Variants in OSBPL5 observed in about 807,000 individuals in gnomAD.
The protein encoded by OSBPL5 is oxysterol-binding protein-related protein 5.
OSBPL5 carries 71 observed loss-of-function variants against 111.2 expected under a neutral mutation model. That is an observed-to-expected ratio of 0.64 (90% CI 0.53 to 0.78). The LOEUF is 0.78. Ranked by LOEUF, OSBPL5 falls within the 30% of genes least tolerant of loss-of-function variation. OSBPL5 has a pLI of 0.00. For synonymous variants in OSBPL5, 549 were observed against 513.9 expected, an observed-to-expected ratio of 1.07 and a Z score of -0.93; for missense variants, 1,210 against 1,189.3, an observed-to-expected ratio of 1.02 and a Z score of -0.26.
At position 3,106,662 on chromosome 11, in the gene OSBPL5, G is replaced by A. The variant is rs116634350; in HGVS notation, c.1059+601C>T. Among the ~76,000 whole-genome samples, 2,398 of 152,220 alleles carry A rather than the reference G, an allele frequency of 0.016. 49 individuals carry two copies. The highest frequency in any genetic ancestry group is 0.05 in the African/African-American group (2,065 of 41,528). ...CGCTGGTGGTCCTTCTTCTTGGAAC[G>A]CCATCCTCCCTCCCGTCACTCACGT... On this transcript the variant is annotated intron_variant, in intron 9 of 21. Coordinates refer to ENST00000263650, the MANE Select transcript of OSBPL5 (RefSeq NM_020896.4). This position sits in a 1 kb window ranked among gnomAD's most constrained non-coding sequence, Gnocchi z 8.4.
Position 3,090,453 on chromosome 11 carries a change from G to A in OSBPL5, c.2398+105C>T. Reference sequence around the variant, plus strand: ...GCAGAGGAGCTTTTGCTGGGAGGTTGCCCTACATCTGGGCAGGTGCTTCTC... The same window carrying A: ...GCAGAGGAGCTTTTGCTGGGAGGTTACCCTACATCTGGGCAGGTGCTTCTC... On this transcript the variant is annotated intron_variant, in intron 20 of 21. Coordinates refer to ENST00000263650, the MANE Select transcript of OSBPL5 (RefSeq NM_020896.4). 4.1e-6 allele frequency: 6 copies of A among 1,448,294 alleles called. No homozygotes were observed. In the South Asian group the frequency reaches 6.6e-5, roughly 16 times the overall value. 89.7% of individuals were successfully genotyped at this position (1,448,294 alleles called of 1,614,324 possible).
chr11:3,120,775 A>C, intron 5 of OSBPL5, 151 bp from the exon 6 acceptor site: 2 of 800,596 alleles, frequency 2.5e-6, no homozygotes, highest in Non-Finnish European at 2.0e-6. Context: ...TTCGGAACTC[A>C]CCCCTTCCTC....
At chr11:3,152,706 C>G (rs1251994887) in intron 1 of OSBPL5, among the ~76,000 whole-genome samples, 3 of 152,230 alleles carry the variant, frequency 2.0e-5, no homozygotes, top group Non-Finnish European at 4.4e-5. Context: ...TGCAAAACCT[C>G]CAGGAAGAGC....
At chr11:3,124,029 G>A (rs991653872) in intron 3 of OSBPL5, among the ~76,000 whole-genome samples, 1 of 152,236 alleles carries the variant, frequency 6.6e-6, no homozygotes, top group Non-Finnish European at 1.5e-5. Context: ...AGCACGCAGA[G>A]GCGGGAGGAG....
At chr11:3,134,540 G>A (rs1425247706) in intron 1 of OSBPL5, among the ~76,000 whole-genome samples, 2 of 152,212 alleles carry the variant, frequency 1.3e-5, no homozygotes, top group Non-Finnish European at 2.9e-5. Context: ...CTGGTCCCTA[G>A]CCCATCCCAG....
intron 7 of OSBPL5, among the ~76,000 whole-genome samples, chr11:3,119,149 A>C (rs554280236): frequency 2.4e-4 from 36 of 151,956 alleles, no homozygotes; most frequent in Admixed American, 5.9e-4. Context: ...AGCTGGGATT[A>C]CAGGCGCCTG....
In OSBPL5 at chr11:3,092,322, G is replaced by T; in HGVS notation, c.2259+110C>A. 1.0e-5 allele frequency: 14 copies of T among 1,379,012 alleles called. No homozygotes were observed. The highest frequency in any genetic ancestry group is 1.3e-5 in the Non-Finnish European group (14 of 1,044,004). The allele number at this position is 1,379,012 out of a possible 1,614,324, so 85.4% of individuals were successfully genotyped here. On this transcript the variant is annotated intron_variant, in intron 19 of 21. Coordinates refer to ENST00000263650, the MANE Select transcript of OSBPL5 (RefSeq NM_020896.4). The surrounding 1 kb of genome is among the most constrained non-coding windows in gnomAD (Gnocchi z 5.4). Reference sequence around the variant, plus strand: ...GACGAGGGGGCTGGGGGATGAGGGCGTGAGGGAAACGGAGCGAGGGGAAGG... The same window carrying T: ...GACGAGGGGGCTGGGGGATGAGGGCTTGAGGGAAACGGAGCGAGGGGAAGG...
Position 3,107,288 on chromosome 11 carries a change from T to C in OSBPL5, c.1034A>G (p.Glu345Gly). 1 of 1,613,296 alleles carries C rather than the reference T, an allele frequency of 6.2e-7. No homozygotes were observed. The highest frequency in any genetic ancestry group is 8.5e-7 in the Non-Finnish European group (1 of 1,179,906). Residue 345 changes from glutamate (E) to glycine (G), a missense_variant, in exon 9 of 22, where the codon GAG becomes GGG. Physicochemically the swap from Glu to Gly is moderately conservative, Grantham distance 98. Transcript: ENST00000263650. The surrounding 1 kb of genome is among the most constrained non-coding windows in gnomAD (Gnocchi z 6.1). ...APVRRGTTYVEQVQEELGELG... is the reference protein window; with the variant it reads ...APVRRGTTYVGQVQEELGELG... ...CTCCCCCAGCTCCTCCTGGACCTGC[T>C]CCACATAGGTGGTCCCTCTCCGCAC...
At chr11:3,156,269 C>T (rs1373372070) in intron 1 of OSBPL5, among the ~76,000 whole-genome samples, 3 of 152,128 alleles carry the variant, frequency 2.0e-5, no homozygotes, top group Non-Finnish European at 4.4e-5. Context: ...AATGTCCTTC[C>T]GAAGGATGGA....
chr11:3,092,907 G>C lies in OSBPL5; in HGVS notation c.2092C>G (p.Leu698Val). Residue 698 changes from leucine to valine, a missense_variant, in exon 18 of 22, where the codon CTG becomes GTG. Leu to Val is a conservative substitution (Grantham distance 32, BLOSUM62 1). Transcript: ENST00000263650. The surrounding 1 kb of genome is among the most constrained non-coding windows in gnomAD (Gnocchi z 5.4). ...LMPWKPQLFHLDPITQEWHYR... is the reference protein window; with the variant it reads ...LMPWKPQLFHVDPITQEWHYR... ...TGCCACTCCTGGGTGATGGGGTCCAGGTGGAACAGCTGCGGCTTCCAGGGC... is the reference window on the plus strand; with the variant it reads ...TGCCACTCCTGGGTGATGGGGTCCACGTGGAACAGCTGCGGCTTCCAGGGC... 1 of 1,563,732 alleles carries C rather than the reference G, an allele frequency of 6.4e-7. No homozygotes were observed. The highest frequency in any genetic ancestry group is 1.3e-5 in the African/African-American group (1 of 74,192).
Position 3,113,088 on chromosome 11 carries a change from G to T in OSBPL5, c.692-5143C>A, listed in dbSNP as rs1400924750. On this transcript the variant is annotated intron_variant, in intron 7 of 21. Transcript: ENST00000263650. This position sits in a 1 kb window ranked among gnomAD's most constrained non-coding sequence, Gnocchi z 4.8. Reference sequence around the variant, plus strand: ...AAAGGGCTCTAATTGATTGGCTTAAGAAAGTAAATGCACTTGAATCAAATA... The same window carrying T: ...AAAGGGCTCTAATTGATTGGCTTAATAAAGTAAATGCACTTGAATCAAATA... Among the ~76,000 whole-genome samples, 1 of 152,168 alleles carries T rather than the reference G, an allele frequency of 6.6e-6. No homozygotes were observed. The highest frequency in any genetic ancestry group is 1.5e-5 in the Non-Finnish European group (1 of 68,024).
Position 3,107,793 on chromosome 11 carries a change from G to T in OSBPL5, c.844C>A (p.His282Asn), listed in dbSNP as rs1857761230. Residue 282 changes from histidine (H) to asparagine (N), a missense_variant, in exon 8 of 22, where the codon CAC becomes AAC. Coordinates refer to ENST00000263650, the MANE Select transcript of OSBPL5 (RefSeq NM_020896.4). This position sits in a 1 kb window ranked among gnomAD's most constrained non-coding sequence, Gnocchi z 6.1. Reference sequence around the variant, plus strand: ...CACGGGAACAGGTCTTGGTCTGGGTGGACGGTGGCTGAGGCTGGCAGCCCA... The same window carrying T: ...CACGGGAACAGGTCTTGGTCTGGGTTGACGGTGGCTGAGGCTGGCAGCCCA... ...LCGLPASATV[H>N]PDQDLFPLNG... is the part of the protein sequence containing the mutation. 1.1e-5 allele frequency: 17 copies of T among 1,612,530 alleles called. No homozygotes were observed. Among genetic ancestry groups the T allele is most frequent in the Middle Eastern group, 1.6e-4 (1 of 6,062 alleles).
At chr11:3,125,648 C>T (rs1858587179) in intron 3 of OSBPL5, among the ~76,000 whole-genome samples, 1 of 152,006 alleles carries the variant, frequency 6.6e-6, no homozygotes. Flanking sequence ...ACTAAAAATA[C>T]AAAAAAATTG....
In OSBPL5 at chr11:3,104,295, C is replaced by A; in HGVS notation, c.1142G>T (p.Gly381Val). 1 of 1,613,822 alleles carries A rather than the reference C, an allele frequency of 6.2e-7. No individual in the cohort carries two copies. Among genetic ancestry groups the A allele is most frequent in the Non-Finnish European group, 8.5e-7 (1 of 1,179,992 alleles). ...TAGCACCACGCGGGACAGGTCCATG[C>A]CTGGCCGTAGCTGCTTCAGCAGGGT... ...MWTLLKQLRP[G>V]MDLSRVVLPT... Residue 381 changes from glycine to valine, a missense_variant, in exon 10 of 22, where the codon GGC becomes GTC. Coordinates refer to ENST00000263650, the MANE Select transcript of OSBPL5 (RefSeq NM_020896.4). The surrounding 1 kb of genome is among the most constrained non-coding windows in gnomAD (Gnocchi z 5.0).
intron 1 of OSBPL5, among the ~76,000 whole-genome samples, chr11:3,153,644 C>T (rs1029297600): frequency 6.6e-6 from 1 of 152,164 alleles, no homozygotes; most frequent in Non-Finnish European, 1.5e-5. Flanking sequence ...GTTCCTTGCA[C>T]ATTCAAAGCA....
At chr11:3,120,318 AG>A (rs1453482324) in intron 6 of OSBPL5, 102 bp downstream of exon 6, 3 of 1,415,460 alleles carry the variant, frequency 2.1e-6, no homozygotes, top group East Asian at 5.0e-5. Context: ...CAAGGCCCCA[AG>A]GGGGCCATTC....
At chr11:3,134,243 A>T (rs1194856317) in intron 1 of OSBPL5, among the ~76,000 whole-genome samples, 1 of 152,198 alleles carries the variant, frequency 6.6e-6, no homozygotes, top group Non-Finnish European at 1.5e-5. Flanking sequence ...CAGACAGGAC[A>T]GGAAGGGCCT....
At chr11:3,103,745 A>T (rs61870196) in intron 10 of OSBPL5, among the ~76,000 whole-genome samples, 3 of 51,344 alleles carry the variant, frequency 5.8e-5, no homozygotes, top group African/African-American at 1.5e-4. Context: ...TGCCTCTGCA[A>T]CCCTCTTCCA....
intron 1 of OSBPL5, among the ~76,000 whole-genome samples, chr11:3,157,176 C>G (rs1275525651): frequency 6.6e-6 from 1 of 152,220 alleles, no homozygotes; most frequent in Non-Finnish European, 1.5e-5. Flanking sequence ...CACATGGGAG[C>G]AGACTCACGG....
Sources: allele counts gnomAD v4.1 joint callset (sites outside exome capture counted in the v4.1 genomes callset), GRCh38; gene constraint gnomAD v4.1.1; non-coding constraint Gnocchi (gnomAD v3.1); transcripts MANE v1.5; gene names NCBI Gene and HGNC (gene_info 2026-07-23, HGNC 2026-07-21).